Variants in CYFIP1 observed in about 807,000 individuals in gnomAD.
The protein encoded by CYFIP1 is cytoplasmic FMR1-interacting protein 1.
In CYFIP1, 58 loss-of-function variants were observed where a neutral mutation model predicts 163.5. The observed-to-expected ratio is 0.35, with a 90% CI of 0.29 to 0.44. CYFIP1 has a LOEUF of 0.44. Among genes scored for constraint, CYFIP1 ranks in the 20% least tolerant of loss-of-function variants. The probability of loss-of-function intolerance (pLI) is 1.00; values close to 1 mark genes in which losing one functional copy is unlikely to be tolerated. For missense variants in CYFIP1, 1,338 were observed against 1,653.8 expected (o/e 0.81, Z 3.31); for synonymous variants, 663 against 660.7 (o/e 1.00, Z -0.05).
intron 9 of CYFIP1, among the ~76,000 whole-genome samples, chr15:22,934,939 T>C (rs2061668120): frequency 6.6e-6 from 1 of 151,846 alleles, no homozygotes; most frequent in South Asian, 2.1e-4. Flanking sequence ...ACCCCGAAAA[T>C]TCTAGAAAAA....
chr15:22,914,691 C>T (rs2060908297), intron 17 of CYFIP1, 35 bp downstream of exon 17: 2 of 1,580,674 alleles, frequency 1.3e-6, no homozygotes, highest in East Asian at 4.6e-5. Flanking sequence ...GGTCACCACA[C>T]ACAAAGGCTG....
chr15:22,966,806 C>T (rs969516245), intron 1 of CYFIP1, among the ~76,000 whole-genome samples: 1 of 151,830 alleles, frequency 6.6e-6, no homozygotes, highest in Non-Finnish European at 1.5e-5. Flanking sequence ...AAAGACCCCA[C>T]GATGAGCAGC....
intron 8 of CYFIP1, among the ~76,000 whole-genome samples, chr15:22,938,964 CCCGGA>C (rs1365327955): frequency 6.6e-6 from 1 of 151,318 alleles, no homozygotes; most frequent in Admixed American, 6.6e-5. Context: ...GAATCCTTGA[CCCGGA>C]CCTCCTGGCC....
intron 23 of CYFIP1, 82 bp downstream of exon 23, chr15:22,892,808 G>A (rs1595531567): frequency 9.5e-7 from 1 of 1,054,888 alleles, no homozygotes; most frequent in African/African-American, 1.6e-5. Flanking sequence ...TTAGGTCACT[G>A]CAACCAAACC....
intron 1 of CYFIP1, among the ~76,000 whole-genome samples, chr15:22,949,227 C>G (rs1029387619): frequency 6.6e-6 from 1 of 152,120 alleles, no homozygotes; most frequent in African/African-American, 2.4e-5. Context: ...CGGATTCCCC[C>G]CGGGGACCAG....
intron 21 of CYFIP1, chr15:22,904,673 G>A (rs2060511346): frequency 6.6e-6 from 1 of 152,122 alleles, no homozygotes; most frequent in Non-Finnish European, 1.5e-5. Flanking sequence ...ATTTCTATTG[G>A]ACAGTAATGG....
At chr15:22,955,855 T>C (rs1465743040) in intron 1 of CYFIP1, among the ~76,000 whole-genome samples, 1 of 150,600 alleles carries the variant, frequency 6.6e-6, no homozygotes, top group Admixed American at 6.7e-5. Flanking sequence ...GGGAGGGTGA[T>C]TTTTGTAAAA....
intron 26 of CYFIP1, among the ~76,000 whole-genome samples, chr15:22,877,715 C>A (rs1190424644): frequency 6.6e-6 from 1 of 152,138 alleles, no homozygotes; most frequent in Non-Finnish European, 1.5e-5. Flanking sequence ...GGAGGAGATG[C>A]TACTTGGGGT....
At chr15:22,879,144 A>AG (rs2059675312) in intron 26 of CYFIP1, among the ~76,000 whole-genome samples, 2 of 152,124 alleles carry the variant, frequency 1.3e-5, no homozygotes, top group African/African-American at 2.4e-5. Flanking sequence ...TCAAAAAAAA[A>AG]AAAAAAGAAA....
In CYFIP1 at chr15:22,881,934, C is replaced by A. The variant is rs1451144160; in HGVS notation, c.2823G>T (p.Leu941=). 1 of 1,611,758 alleles carries A rather than the reference C, an allele frequency of 6.2e-7. No individual in the cohort carries two copies. Among genetic ancestry groups the A allele is most frequent in the South Asian group, 1.1e-5 (1 of 91,046 alleles). ...TCACGTACTGCAGGATTGTGCCTTG[C>A]AGCTGCCGGGGAGATGAGACGGGCT... The part of the protein sequence containing the change: ...EELLKVVKSL[L]QGTILQYVKT... Residue 941 remains leucine (L), a splice_region_variant and synonymous_variant, in exon 25 of 31, where the codon CTG becomes CTT. Coordinates refer to ENST00000617928, the MANE Select transcript of CYFIP1 (RefSeq NM_014608.6).
chr15:22,879,990 G>A lies in CYFIP1; in HGVS notation c.2965C>T (p.Leu989=). The change falls in exon 26 of 31, where the codon CTG becomes TTG. Residue 989 remains leucine (L), a synonymous_variant. Transcript: ENST00000617928. ...AGGTTCTGGAAGCACACCGTCTTCAGCTCTGCGTACTCCACGATGTCCTTC... is the reference window on the plus strand; with the variant it reads ...AGGTTCTGGAAGCACACCGTCTTCAACTCTGCGTACTCCACGATGTCCTTC... ...QLKDIVEYAE[L]KTVCFQNLRE... 2 of 1,614,018 alleles carry A rather than the reference G, an allele frequency of 1.2e-6. No homozygotes were observed. The highest frequency in any genetic ancestry group is 1.1e-5 in the South Asian group (1 of 91,086).
intron 18 of CYFIP1, 144 bp downstream of exon 18, chr15:22,912,033 CAG>C (rs1162863018): frequency 8.8e-6 from 6 of 680,100 alleles, no homozygotes; most frequent in Non-Finnish European, 1.5e-5. Flanking sequence ...AGCATATCCA[CAG>C]AGGAAGGGCT....
rs147616599 is a variant in CYFIP1, at chr15:22,886,445, A to C, written c.2677-3434T>G. ...AATAAATCGAATAATCAAATCAAAT[A>C]AATCACTTCTTTAGCTGTATATATC... On this transcript the variant is annotated intron_variant, in intron 23 of 30. Transcript: ENST00000617928. Among the ~76,000 whole-genome samples the C allele has an allele frequency of 2.6e-3, 394 of 152,300 alleles. 1 individual carries two copies. The highest frequency in any genetic ancestry group is 9.2e-3 in the African/African-American group (382 of 41,562).
intron 23 of CYFIP1, among the ~76,000 whole-genome samples, chr15:22,883,214 G>A (rs1445214331): frequency 6.6e-6 from 1 of 152,170 alleles, no homozygotes; most frequent in Admixed American, 6.5e-5. Flanking sequence ...AAATAGAAAA[G>A]AAAAGAAAAC....
intron 22 of CYFIP1, among the ~76,000 whole-genome samples, chr15:22,902,986 G>A (rs141727880): frequency 4.6e-5 from 7 of 152,324 alleles, no homozygotes; most frequent in East Asian, 1.9e-4. Context: ...TGGGTGGGAC[G>A]CGGAGATCAG....
At chr15:22,902,904 T>C (rs992144771) in intron 22 of CYFIP1, among the ~76,000 whole-genome samples, 23 of 152,034 alleles carry the variant, frequency 1.5e-4, no homozygotes, top group Non-Finnish European at 3.2e-4. Context: ...AGAGCTCTCA[T>C]CAGAGCTCGG....
intron 1 of CYFIP1, among the ~76,000 whole-genome samples, chr15:22,950,739 C>A (rs554197811): frequency 3.3e-5 from 5 of 152,308 alleles, no homozygotes; most frequent in African/African-American, 1.2e-4. Context: ...GCTGTATGTG[C>A]GACCCGCCTG....
In CYFIP1 at chr15:22,903,818, G is replaced by A. The variant is rs747314159; in HGVS notation, c.2476C>T (p.Arg826Trp). The A allele has an allele frequency of 4.3e-6, 7 of 1,614,198 alleles. No homozygotes were observed. The highest frequency in any genetic ancestry group is 5.1e-6 in the Non-Finnish European group (6 of 1,180,030). Residue 826 changes from arginine to tryptophan, a missense_variant, in exon 22 of 31, where the codon CGG (arginine) becomes TGG (tryptophan). Physicochemically the swap from Arg to Trp is moderately radical, Grantham distance 101 (BLOSUM62 -3). This residue lies in a region of CYFIP1 where 824 missense variants were observed against 995.7 expected (regional missense o/e 0.83). Coordinates refer to ENST00000617928, the MANE Select transcript of CYFIP1 (RefSeq NM_014608.6). ...LTLDGFDAMF[R>W]EANHNVSAPY... ...GCTGACACGTTGTGGTTGGCCTCCC[G>A]GAACATGGCGTCGAAGCCGTCCAGC...
intron 26 of CYFIP1, among the ~76,000 whole-genome samples, chr15:22,875,640 G>C (rs1243447142): frequency 6.6e-6 from 1 of 151,858 alleles, no homozygotes; most frequent in Non-Finnish European, 1.5e-5. Flanking sequence ...CTGCTAATTT[G>C]CCACCAGGCT....
Sources: allele counts gnomAD v4.1 joint callset (sites outside exome capture counted in the v4.1 genomes callset), GRCh38; gene constraint gnomAD v4.1.1; regional missense constraint gnomAD v4.1.1; transcripts MANE v1.5; gene names NCBI Gene and HGNC (gene_info 2026-07-23, HGNC 2026-07-21).